PTPRG: variants seen among roughly 807,000 people sequenced by gnomAD.
PTPRG encodes protein tyrosine phosphatase receptor type G.
Under a neutral mutation model 165.3 loss-of-function variants are expected in PTPRG, and 102 were observed. The observed-to-expected ratio is 0.62, with a 90% CI of 0.53 to 0.73. The LOEUF (loss-of-function observed/expected upper bound fraction) is 0.73, where lower values mean the gene tolerates loss of function less well. PTPRG is among the 30% of genes least tolerant of loss of function. The pLI is 0.00. For missense variants in PTPRG, 1,866 were observed against 1,861.4 expected (o/e 1.00, Z -0.05); for synonymous variants, 675 against 669.5 (o/e 1.01, Z -0.13).
chr3:61,912,027 C>T (rs1252188867), intron 2 of PTPRG, among the ~76,000 whole-genome samples: 1 of 152,054 alleles, frequency 6.6e-6, no homozygotes, highest in African/African-American at 2.4e-5. Flanking sequence ...CATTTGATGT[C>T]CTTCTAATGT....
chr3:61,980,468 T>C (rs1165678010), intron 2 of PTPRG, among the ~76,000 whole-genome samples: 1 of 152,196 alleles, frequency 6.6e-6, no homozygotes, highest in Non-Finnish European at 1.5e-5. Flanking sequence ...CCTTCTCTTA[T>C]AGGGAAAGAA....
intron 4 of PTPRG, among the ~76,000 whole-genome samples, chr3:62,046,701 C>G (rs1200609060): frequency 6.6e-6 from 1 of 152,000 alleles, no homozygotes; most frequent in African/African-American, 2.4e-5. Context: ...CATGTATCAC[C>G]TACTCTTTGA....
At chr3:62,141,435 A>T (rs1411877973) in intron 6 of PTPRG, among the ~76,000 whole-genome samples, 1 of 152,018 alleles carries the variant, frequency 6.6e-6, no homozygotes, top group Non-Finnish European at 1.5e-5. Context: ...TATCTCTACA[A>T]AAAAGTAAAC....
At position 61,913,737 on chromosome 3, in the gene PTPRG, T is replaced by C. The variant is rs114784065; in HGVS notation, c.191-75888T>C. 5.9e-3 allele frequency among the ~76,000 whole-genome samples: 895 copies of C among 152,342 alleles called. 6 individuals are homozygous for C. The highest frequency in any genetic ancestry group is 0.02 in the African/African-American group (817 of 41,574). ...TTTTATTCCATTGAAAGCATATTCC[T>C]TACTAAGTCTGCACCCATGGCTGGA... On this transcript the variant is annotated intron_variant, in intron 2 of 29. Coordinates refer to ENST00000474889, the MANE Select transcript of PTPRG (RefSeq NM_002841.4).
At chr3:62,094,164 G>A (rs1332665317) in intron 5 of PTPRG, among the ~76,000 whole-genome samples, 1 of 151,996 alleles carries the variant, frequency 6.6e-6, no homozygotes, top group African/African-American at 2.4e-5. Flanking sequence ...GGTAGGATTT[G>A]AAGCCATGTC....
intron 4 of PTPRG, among the ~76,000 whole-genome samples, chr3:62,058,288 G>A (rs1219746842): frequency 6.6e-6 from 1 of 152,154 alleles, no homozygotes; most frequent in Admixed American, 6.5e-5. Context: ...CTTACGGTGG[G>A]AAGGAACCTT....
chr3:61,867,076 G>A (rs1291461819), intron 2 of PTPRG, among the ~76,000 whole-genome samples: 1 of 152,158 alleles, frequency 6.6e-6, no homozygotes, highest in Non-Finnish European at 1.5e-5. Context: ...GGATTGGAAA[G>A]GGATCAGTAC....
chr3:61,914,586 T>A (rs1196862919), intron 2 of PTPRG, among the ~76,000 whole-genome samples: 3 of 152,224 alleles, frequency 2.0e-5, no homozygotes. Context: ...AGAACGGTCT[T>A]GGCCTTTATG....
At chr3:61,640,729 A>T (rs555116776) in intron 1 of PTPRG, among the ~76,000 whole-genome samples, 1 of 152,250 alleles carries the variant, frequency 6.6e-6, no homozygotes, top group African/African-American at 2.4e-5. Context: ...CACAAACTGC[A>T]GTTATTTAAA....
At chr3:61,800,168 G>A (rs541966322) in intron 2 of PTPRG, among the ~76,000 whole-genome samples, 2 of 152,188 alleles carry the variant, frequency 1.3e-5, no homozygotes, top group Admixed American at 6.5e-5. Context: ...TCAGCTCGTT[G>A]TGGGGTGGGA....
chr3:62,078,211 G>T lies in PTPRG; in HGVS notation c.568G>T (p.Ala190Ser), dbSNP rs866875275. 11 of 1,606,382 alleles carry T rather than the reference G, an allele frequency of 6.8e-6. No homozygotes were observed. The highest frequency in any genetic ancestry group is 2.7e-5 in the African/African-American group (2 of 74,488). Residue 190 changes from alanine to serine, a missense_variant, in exon 5 of 30, where the codon GCA (alanine) becomes TCA (serine). Transcript: ENST00000474889. ...AGATGACTTTGACAGCTTTCAAACC[G>T]CAATTTCTGAGAACAGAATAATCGG... The part of the protein sequence containing the change: ...NPDDFDSFQT[A>S]ISENRIIGAM...
At chr3:61,903,608 A>T (rs2038559227) in intron 2 of PTPRG, among the ~76,000 whole-genome samples, 2 of 152,150 alleles carry the variant, frequency 1.3e-5, no homozygotes. Flanking sequence ...TCCTGACCTC[A>T]GGTGATCCAC....
At chr3:61,581,858 C>T (rs56696131) in intron 1 of PTPRG, among the ~76,000 whole-genome samples, 7 of 152,286 alleles carry the variant, frequency 4.6e-5, no homozygotes, top group African/African-American at 1.7e-4. Context: ...GATCTGCTCA[C>T]CTCAGCCTCC....
intron 1 of PTPRG, among the ~76,000 whole-genome samples, chr3:61,691,603 C>G (rs999702580): frequency 1.3e-5 from 2 of 152,128 alleles, no homozygotes; most frequent in African/African-American, 4.8e-5. Context: ...GGGAAGTGGA[C>G]AGAGGGTGAC....
chr3:61,722,067 A>G (rs2032069494), intron 1 of PTPRG, among the ~76,000 whole-genome samples: 2 of 152,160 alleles, frequency 1.3e-5, no homozygotes, highest in South Asian at 4.1e-4. Context: ...ACAGATTACC[A>G]CAGACTGAGT....
intron 28 of PTPRG, among the ~76,000 whole-genome samples, chr3:62,290,603 A>G (rs991688576): frequency 1.3e-5 from 2 of 152,178 alleles, no homozygotes; most frequent in Non-Finnish European, 2.9e-5. Flanking sequence ...AGGTCAAAAC[A>G]GAGTTCAGAA....
chr3:62,123,242 A>G (rs139326184), intron 5 of PTPRG, among the ~76,000 whole-genome samples: 10 of 152,152 alleles, frequency 6.6e-5, no homozygotes, highest in Admixed American at 2.0e-4. Flanking sequence ...CTCAAGGGCT[A>G]TTTGACTGAG....
At chr3:62,129,273 A>G (rs999497105) in intron 5 of PTPRG, among the ~76,000 whole-genome samples, 1 of 152,186 alleles carries the variant, frequency 6.6e-6, no homozygotes, top group Admixed American at 6.5e-5. Flanking sequence ...CATAGCCTAC[A>G]AATATTATTG....
chr3:62,000,281 CAAAA>C (rs5849454), intron 3 of PTPRG, among the ~76,000 whole-genome samples: 3 of 102,564 alleles, frequency 2.9e-5, no homozygotes, highest in South Asian at 3.6e-4. Context: ...ACTCTGTCTC[CAAAA>C]AAAAAAAAAA....
Sources: allele counts gnomAD v4.1 joint callset (sites outside exome capture counted in the v4.1 genomes callset), GRCh38; gene constraint gnomAD v4.1.1; transcripts MANE v1.5; gene names NCBI Gene and HGNC (gene_info 2026-07-23, HGNC 2026-07-21).